Variants in ZCCHC7 observed in about 807,000 individuals in gnomAD.
The protein encoded by ZCCHC7 is zinc finger CCHC-type containing 7, also known as zinc finger CCHC domain-containing protein 7.
ZCCHC7 carries 35 observed loss-of-function variants against 52.0 expected under a neutral mutation model. The observed-to-expected ratio is 0.67, with a 90% CI of 0.51 to 0.89. The LOEUF is 0.89. Among genes scored for constraint, ZCCHC7 ranks in the 40% least tolerant of loss-of-function variants. The probability of loss-of-function intolerance (pLI) is 0.00; values close to 1 mark genes in which losing one functional copy is unlikely to be tolerated. For missense variants in ZCCHC7, 574 were observed against 649.1 expected (o/e 0.88, Z 1.26); for synonymous variants, 217 against 221.5 (o/e 0.98, Z 0.18).
intron 2 of ZCCHC7, among the ~76,000 whole-genome samples, chr9:37,151,799 C>T (rs953017132): frequency 6.6e-6 from 1 of 151,780 alleles, no homozygotes; most frequent in Non-Finnish European, 1.5e-5. Context: ...GGTGAGACTC[C>T]ATCTCAAAGA....
rs182848131 is a variant in ZCCHC7, at chr9:37,251,995, A to G, written c.611-50193A>G. 2.6e-4 allele frequency among the ~76,000 whole-genome samples: 40 copies of G among 152,266 alleles called. No individual in the cohort carries two copies. The South Asian group carries it at 4.4e-3, about 17-fold the overall frequency. ...TTTCCCTGCCTTTTTTAATATATAAAACATAGACTTATTTTAATTCACAAT... is the reference window on the plus strand; with the variant it reads ...TTTCCCTGCCTTTTTTAATATATAAGACATAGACTTATTTTAATTCACAAT... On this transcript the variant is annotated intron_variant, in intron 2 of 8. Transcript: ENST00000336755.
intron 6 of ZCCHC7, among the ~76,000 whole-genome samples, chr9:37,338,230 A>G (rs1221161533): frequency 6.6e-6 from 1 of 152,180 alleles, no homozygotes; most frequent in Non-Finnish European, 1.5e-5. Flanking sequence ...AATAAGCTTA[A>G]TAGCTCATTT....
At chr9:37,282,269 G>A (rs1259824335) in intron 2 of ZCCHC7, among the ~76,000 whole-genome samples, 2 of 152,036 alleles carry the variant, frequency 1.3e-5, no homozygotes, top group African/African-American at 4.8e-5. Context: ...TGGTAAAGAT[G>A]GTAAATATTA....
intron 2 of ZCCHC7, among the ~76,000 whole-genome samples, chr9:37,179,581 G>A (rs1822239821): frequency 6.6e-6 from 1 of 152,128 alleles, no homozygotes; most frequent in Admixed American, 6.6e-5. Flanking sequence ...GGAAGCAGAC[G>A]ATTAATACCT....
At chr9:37,294,795 T>A (rs1232228918) in intron 2 of ZCCHC7, among the ~76,000 whole-genome samples, 1 of 152,266 alleles carries the variant, frequency 6.6e-6, no homozygotes, top group Admixed American at 6.5e-5. Context: ...ATAAAATAGA[T>A]ATGGTCTCAG....
intron 2 of ZCCHC7, among the ~76,000 whole-genome samples, chr9:37,153,200 T>G (rs1392968680): frequency 6.6e-6 from 1 of 152,152 alleles, no homozygotes; most frequent in Non-Finnish European, 1.5e-5. Flanking sequence ...AGATGGAGTC[T>G]TGCTCTTTTG....
intron 2 of ZCCHC7, among the ~76,000 whole-genome samples, chr9:37,299,458 A>G (rs1014922089): frequency 5.9e-5 from 9 of 152,190 alleles, no homozygotes; most frequent in African/African-American, 1.4e-4. Flanking sequence ...GCCCAACACC[A>G]CACAGCAAAT....
At chr9:37,316,679 A>T (rs553215401) in intron 5 of ZCCHC7, among the ~76,000 whole-genome samples, 1 of 152,156 alleles carries the variant, frequency 6.6e-6, no homozygotes, top group Admixed American at 6.5e-5. Flanking sequence ...TTAATGGTAT[A>T]GATAACAATG....
At chr9:37,221,040 C>T (rs1000675570) in intron 2 of ZCCHC7, among the ~76,000 whole-genome samples, 1 of 152,160 alleles carries the variant, frequency 6.6e-6, no homozygotes, top group African/African-American at 2.4e-5. Flanking sequence ...ACAAACGCGG[C>T]GTTGCCTTAA....
intron 2 of ZCCHC7, among the ~76,000 whole-genome samples, chr9:37,161,569 T>C (rs1417530732): frequency 1.3e-5 from 2 of 151,574 alleles, no homozygotes; most frequent in Non-Finnish European, 2.9e-5. Flanking sequence ...AGCAAGACTC[T>C]GTCTCAAAAA....
chr9:37,340,408 CAAA>C (rs80043124), intron 6 of ZCCHC7, among the ~76,000 whole-genome samples: 7 of 136,596 alleles, frequency 5.1e-5, no homozygotes, highest in Non-Finnish European at 3.2e-5. Context: ...TGTCTGCAAC[CAAA>C]AAAAAAAAAA....
chr9:37,139,446 G>T (rs1588364404), intron 2 of ZCCHC7, among the ~76,000 whole-genome samples: 2 of 152,004 alleles, frequency 1.3e-5, no homozygotes, highest in Admixed American at 1.3e-4. Flanking sequence ...GGATGGAGAT[G>T]TAATTCTAGA....
At chr9:37,340,465 C>T (rs974006333) in intron 6 of ZCCHC7, among the ~76,000 whole-genome samples, 6 of 151,200 alleles carry the variant, frequency 4.0e-5, no homozygotes, top group African/African-American at 4.9e-5. Context: ...ATTTGGTATC[C>T]GTTGGGTCAA....
intron 2 of ZCCHC7, among the ~76,000 whole-genome samples, chr9:37,194,613 A>T (rs1022960699): frequency 5.9e-5 from 9 of 152,178 alleles, no homozygotes; most frequent in Non-Finnish European, 1.3e-4. Flanking sequence ...GATGATTTTC[A>T]TGGAGCATTT....
At chr9:37,169,553 A>C (rs958931990) in intron 2 of ZCCHC7, among the ~76,000 whole-genome samples, 2 of 152,194 alleles carry the variant, frequency 1.3e-5, no homozygotes, top group Non-Finnish European at 2.9e-5. Context: ...TTCCCCTGGT[A>C]ACCCAACATT....
chr9:37,231,080 A>T (rs1825380388), intron 2 of ZCCHC7, among the ~76,000 whole-genome samples: 1 of 152,110 alleles, frequency 6.6e-6, no homozygotes, highest in Non-Finnish European at 1.5e-5. Context: ...AGCAGTTGGG[A>T]CTACAGGGTG....
intron 2 of ZCCHC7, among the ~76,000 whole-genome samples, chr9:37,211,786 T>C (rs1824230871): frequency 6.6e-6 from 1 of 152,022 alleles, no homozygotes; most frequent in African/African-American, 2.4e-5. Context: ...CACAGCACTT[T>C]GGGAGGCCAA....
intron 5 of ZCCHC7, among the ~76,000 whole-genome samples, chr9:37,313,252 G>C (rs541760016): frequency 1.3e-5 from 2 of 152,116 alleles, no homozygotes; most frequent in African/African-American, 4.8e-5. Context: ...TGTTGTATAG[G>C]CTTACCAAAT....
At chr9:37,163,189 G>T (rs985475487) in intron 2 of ZCCHC7, among the ~76,000 whole-genome samples, 45 of 151,832 alleles carry the variant, frequency 3.0e-4, no homozygotes, top group African/African-American at 1.0e-3. Flanking sequence ...AACAGAGTGA[G>T]ACTCTGTCTC....
Sources: gnomAD v4.1 joint callset for allele counts (sites outside exome capture counted in the v4.1 genomes callset) on GRCh38, gnomAD v4.1.1 for gene constraint, MANE v1.5 for transcripts, NCBI Gene and HGNC (gene_info 2026-07-23, HGNC 2026-07-21) for gene names.